Variants in RPH3AL observed in about 807,000 individuals in gnomAD.
RPH3AL encodes rab effector Noc2.
A neutral mutation model predicts 43.1 loss-of-function variants in RPH3AL; 38 were observed. The ratio of observed to expected loss-of-function variants is 0.88; its 90% CI spans 0.68 to 1.15. The LOEUF (loss-of-function observed/expected upper bound fraction) is 1.15, where lower values mean the gene tolerates loss of function less well. Ranked by LOEUF, RPH3AL falls within the 50% of genes most tolerant of loss-of-function variation. The pLI is 0.00. For synonymous variants in RPH3AL, 189 were observed against 176.3 expected (o/e 1.07, Z -0.57); for missense variants, 462 against 423.2 (o/e 1.09, Z -0.81).
chr17:240,970 T>C (rs1047509724), intron 7 of RPH3AL, among the ~76,000 whole-genome samples: 1 of 151,760 alleles, frequency 6.6e-6, no homozygotes, highest in African/African-American at 2.4e-5. Flanking sequence ...GGCAGGAGAA[T>C]TGCTTGAACC....
At chr17:269,112 T>G (rs2042399337) in intron 6 of RPH3AL, among the ~76,000 whole-genome samples, 1 of 152,142 alleles carries the variant, frequency 6.6e-6, no homozygotes, top group African/African-American at 2.4e-5. Context: ...TCTCCTGACC[T>G]CATAATCCGC....
At chr17:220,454 A>G in intron 7 of RPH3AL, among the ~76,000 whole-genome samples, 1 of 137,384 alleles carries the variant, frequency 7.3e-6, no homozygotes, top group African/African-American at 2.7e-5. Flanking sequence ...ACCCAAGCAC[A>G]ACAGCTCTGA....
chr17:305,364 G>T (rs974019867), intron 5 of RPH3AL, among the ~76,000 whole-genome samples: 3 of 152,054 alleles, frequency 2.0e-5, no homozygotes, highest in Non-Finnish European at 4.4e-5. Context: ...GGGACAATCC[G>T]GGAGGGTGGG....
chr17:272,731 A>G (rs1465125371), intron 6 of RPH3AL, among the ~76,000 whole-genome samples: 2 of 150,276 alleles, frequency 1.3e-5, no homozygotes, highest in East Asian at 4.0e-4. Flanking sequence ...CATTGAGCAC[A>G]TGTACCCTAG....
intron 1 of RPH3AL, among the ~76,000 whole-genome samples, chr17:340,200 G>A (rs1170477738): frequency 6.6e-6 from 1 of 151,984 alleles, no homozygotes; most frequent in African/African-American, 2.4e-5. Context: ...GCTCTCCAAA[G>A]GCCCCGCTCC....
chr17:215,762 C>G lies in RPH3AL; in HGVS notation c.768G>C (p.Pro256=). The G allele has an allele frequency of 7.7e-7, 1 of 1,305,310 alleles. No individual in the cohort carries two copies. Among genetic ancestry groups the G allele is most frequent in the Non-Finnish European group, 9.8e-7 (1 of 1,023,500 alleles). 80.9% of individuals were successfully genotyped at this position (1,305,310 alleles called of 1,614,324 possible). A position where few individuals can be genotyped will look rare whatever the true frequency, so the allele number is the denominator to read the frequency against. ...VEAPRMGFTH[P]PGHLSGCQSS... ...TCTGGCACCCAGAGAGGTGGCCCGGCGGGTGGGTGAACCCCATCCTGGGGG... is the reference window on the plus strand; with the variant it reads ...TCTGGCACCCAGAGAGGTGGCCCGGGGGGTGGGTGAACCCCATCCTGGGGG... The change falls in exon 9 of 10, where the codon CCG becomes CCC. Residue 256 remains proline, a synonymous_variant. Coordinates refer to ENST00000331302, the MANE Select transcript of RPH3AL (RefSeq NM_006987.4). The surrounding 1 kb of genome is among the most constrained non-coding windows in gnomAD (Gnocchi z 4.1).
At chr17:308,901 A>G (rs536665831) in intron 5 of RPH3AL, among the ~76,000 whole-genome samples, 27 of 152,290 alleles carry the variant, frequency 1.8e-4, no homozygotes, top group African/African-American at 6.5e-4. Flanking sequence ...AGGCAGAAGG[A>G]GAATACTTCT....
chr17:342,251 T>C (rs4985574), intron 1 of RPH3AL, among the ~76,000 whole-genome samples: 150,071 of 152,298 alleles, frequency 0.99, 74,018 homozygotes, highest in Non-Finnish European at 1. Flanking sequence ...AACACTTGTA[T>C]CTTGTTGGTG....
At position 345,059 on chromosome 17, in the gene RPH3AL, A is replaced by G. The variant is rs144215796; in HGVS notation, c.-213+7653T>C. On this transcript the variant is annotated intron_variant, in intron 1 of 9. Coordinates refer to ENST00000331302, the MANE Select transcript of RPH3AL (RefSeq NM_006987.4). ...CAAGGCGGGAGGATCGATTGAGCCC[A>G]GGAGTTTGAATCCAGCCTGGGCAAC... Among the ~76,000 whole-genome samples the G allele has an allele frequency of 1.4e-3, 192 of 135,726 alleles. 21 individuals are homozygous for G. The highest frequency in any genetic ancestry group is 4.6e-3 in the African/African-American group (183 of 39,674). The allele number at this position is 135,726 out of a possible 152,430, so 89.0% of individuals were successfully genotyped here.
intron 6 of RPH3AL, among the ~76,000 whole-genome samples, chr17:271,546 T>A (rs2042463194): frequency 6.6e-6 from 1 of 152,210 alleles, no homozygotes; most frequent in Non-Finnish European, 1.5e-5. Flanking sequence ...CAATTGTGAA[T>A]GGGAGTTCAC....
At chr17:258,853 T>C (rs1199169852) in intron 6 of RPH3AL, among the ~76,000 whole-genome samples, 1 of 147,170 alleles carries the variant, frequency 6.8e-6, no homozygotes, top group Non-Finnish European at 1.5e-5. Context: ...CTTGACACCC[T>C]GGGCTCAAGT....
At chr17:277,903 T>C (rs752746809) in intron 6 of RPH3AL, among the ~76,000 whole-genome samples, 1 of 151,878 alleles carries the variant, frequency 6.6e-6, no homozygotes, top group Non-Finnish European at 1.5e-5. Flanking sequence ...TGCAGTGAGC[T>C]GAGATCGTGG....
At chr17:218,069 T>G (rs889004888) in intron 8 of RPH3AL, among the ~76,000 whole-genome samples, 11 of 136,022 alleles carry the variant, frequency 8.1e-5, no homozygotes, top group African/African-American at 3.1e-4. Flanking sequence ...AGGCATTTCG[T>G]TCCCATCTGG....
In RPH3AL at chr17:273,632, G is replaced by A. The variant is rs1037263405; in HGVS notation, c.438+8136C>T. On this transcript the variant is annotated intron_variant, in intron 6 of 9. Coordinates refer to ENST00000331302, the MANE Select transcript of RPH3AL (RefSeq NM_006987.4). ...AGGAAGAGACCCCAGCGAGGGCGAC[G>A]TCGGGGATATCCAAAGTGCCCCACA... Among the ~76,000 whole-genome samples, 2 of 152,124 alleles carry A rather than the reference G, an allele frequency of 1.3e-5. 1 individual carries two copies. Among genetic ancestry groups the A allele is most frequent in the African/African-American group, 4.8e-5 (2 of 41,406 alleles).
chr17:262,461 G>T (rs1291164252), intron 6 of RPH3AL, among the ~76,000 whole-genome samples: 1 of 152,090 alleles, frequency 6.6e-6, no homozygotes, highest in South Asian at 2.1e-4. Flanking sequence ...TGATCCACCC[G>T]CCTCGGCCTC....
At chr17:318,532 T>C (rs1384278128) in intron 5 of RPH3AL, among the ~76,000 whole-genome samples, 1 of 152,006 alleles carries the variant, frequency 6.6e-6, no homozygotes, top group Non-Finnish European at 1.5e-5. Flanking sequence ...CCCGTTATAA[T>C]AGCTGTGCAG....
At chr17:273,022 A>AAGAGACCCCAGCAAGGGCTACGTCAGGG (rs2042536633) in intron 6 of RPH3AL, among the ~76,000 whole-genome samples, 1 of 60,512 alleles carries the variant, frequency 1.7e-5, no homozygotes, top group African/African-American at 6.7e-5. Flanking sequence ...CGACATCAGG[A>AAGAGACCCCAGCAAGGGCTACGTCAGGG]AGAGACCCCA....
At chr17:295,376 AGTGTGG>A (rs2043152197) in intron 5 of RPH3AL, among the ~76,000 whole-genome samples, 1 of 130,408 alleles carries the variant, frequency 7.7e-6, no homozygotes, top group Non-Finnish European at 1.6e-5. Flanking sequence ...AATGCACATC[AGTGTGG>A]GAGGGACAGA....
chr17:321,216 G>A lies in RPH3AL; in HGVS notation c.221+56C>T, dbSNP rs567636985. The stretch of plus-strand genomic sequence containing the variant: ...GAGTGCCGGCCTCCCAGTCCCCTGC[G>A]CTTGCGCCAAAGCCCTTGCTGTCCT... On this transcript the variant is annotated intron_variant, in intron 4 of 9. Coordinates refer to ENST00000331302, the MANE Select transcript of RPH3AL (RefSeq NM_006987.4). 1.5e-5 allele frequency: 24 copies of A among 1,569,338 alleles called. No individual in the cohort carries two copies. The South Asian group carries it at 1.9e-4, about 13-fold the overall frequency.
Sources: gnomAD v4.1 joint callset for allele counts (sites outside exome capture counted in the v4.1 genomes callset) on GRCh38, gnomAD v4.1.1 for gene constraint, Gnocchi (gnomAD v3.1) non-coding constraint, MANE v1.5 for transcripts, NCBI Gene and HGNC (gene_info 2026-07-23, HGNC 2026-07-21) for gene names.